Variants in SGCZ observed in about 807,000 individuals in gnomAD.
The protein encoded by SGCZ is sarcoglycan zeta, also known as zeta-sarcoglycan.
SGCZ carries 40 observed loss-of-function variants against 41.3 expected under a neutral mutation model. The observed-to-expected ratio is 0.97, with a 90% CI of 0.75 to 1.26. The LOEUF (loss-of-function observed/expected upper bound fraction) is 1.26, where lower values mean the gene tolerates loss of function less well. Ranked by LOEUF, SGCZ falls within the 50% of genes most tolerant of loss-of-function variation. The pLI is 0.00. For synonymous variants in SGCZ, 206 were observed against 137.5 expected (o/e 1.50, Z -3.49); for missense variants, 552 against 369.8 (o/e 1.49, Z -4.04).
chr8:14,993,984 G>A (rs558512882), intron 1 of SGCZ, among the ~76,000 whole-genome samples: 8 of 152,310 alleles, frequency 5.3e-5, no homozygotes, highest in Admixed American at 5.2e-4. Context: ...AAGACCATTT[G>A]GTAGGATACG....
At chr8:14,560,176 T>C (rs1804165211) in intron 1 of SGCZ, among the ~76,000 whole-genome samples, 1 of 152,046 alleles carries the variant, frequency 6.6e-6, no homozygotes, top group African/African-American at 2.4e-5. Flanking sequence ...CAATAATTTA[T>C]TGCACATTTC....
intron 1 of SGCZ, among the ~76,000 whole-genome samples, chr8:14,808,140 C>G (rs1428056957): frequency 6.6e-6 from 1 of 152,134 alleles, no homozygotes; most frequent in Non-Finnish European, 1.5e-5. Flanking sequence ...AGAAGATAAC[C>G]TAGGTAATAC....
At chr8:15,122,060 T>C (rs569958388) in intron 1 of SGCZ, among the ~76,000 whole-genome samples, 45 of 152,158 alleles carry the variant, frequency 3.0e-4, no homozygotes, top group African/African-American at 1.1e-3. Flanking sequence ...AAATTACTAA[T>C]TTATTTGGCA....
chr8:14,648,543 T>A (rs574103444), intron 1 of SGCZ, among the ~76,000 whole-genome samples: 27 of 152,196 alleles, frequency 1.8e-4, no homozygotes, highest in Non-Finnish European at 3.1e-4. Flanking sequence ...CAAACTGGAA[T>A]ACAGCAAAAA....
intron 4 of SGCZ, among the ~76,000 whole-genome samples, chr8:14,223,951 A>G (rs1425422121): frequency 6.6e-6 from 1 of 152,204 alleles, no homozygotes; most frequent in East Asian, 1.9e-4. Flanking sequence ...ACATAACTCC[A>G]GTACATAGAT....
Position 14,090,493 on chromosome 8 carries a change from C to T in SGCZ, c.889G>A (p.Gly297Arg), listed in dbSNP as rs147438275. 20 of 1,612,928 alleles carry T rather than the reference C, an allele frequency of 1.2e-5. No homozygotes were observed. In the African/African-American group the frequency reaches 1.9e-4, roughly 15 times the overall value. Residue 297 changes from glycine to arginine, a missense_variant, in exon 8 of 8, where the codon GGA becomes AGA. Gly to Arg is a moderately radical substitution (Grantham distance 125, BLOSUM62 -2). Coordinates refer to ENST00000382080, the MANE Select transcript of SGCZ (RefSeq NM_139167.4). ...CTGGACTGACAAGTGGAACCTACTC[C>T]TGCTGGAGAAAGGTAAAGTTTGCCA... is the stretch of plus-strand genomic sequence containing the variant. Reference protein sequence around the residue: ...PNGKLYLSPAGVGSTCQSSSN... With the variant: ...PNGKLYLSPARVGSTCQSSSN...
chr8:15,158,642 G>C (rs761631693), intron 1 of SGCZ, among the ~76,000 whole-genome samples: 6 of 152,156 alleles, frequency 3.9e-5, no homozygotes, highest in Non-Finnish European at 8.8e-5. Context: ...CATTTAGAAT[G>C]TATAATTCAT....
intron 1 of SGCZ, among the ~76,000 whole-genome samples, chr8:14,964,453 G>C (rs563693574): frequency 5.3e-5 from 8 of 152,112 alleles, no homozygotes; most frequent in Non-Finnish European, 1.2e-4. Flanking sequence ...TTTTGGAGCT[G>C]GTGATGCTAA....
At chr8:14,840,662 T>G (rs1248752691) in intron 1 of SGCZ, among the ~76,000 whole-genome samples, 1 of 152,104 alleles carries the variant, frequency 6.6e-6, no homozygotes, top group Non-Finnish European at 1.5e-5. Flanking sequence ...AAGTAGAGCA[T>G]GAAACATCAA....
intron 1 of SGCZ, among the ~76,000 whole-genome samples, chr8:15,097,597 AT>A (rs1806394713): frequency 1.3e-5 from 2 of 151,684 alleles, no homozygotes; most frequent in African/African-American, 4.8e-5. Context: ...AAAAATAAAA[AT>A]TAAAAAAAAT....
intron 1 of SGCZ, among the ~76,000 whole-genome samples, chr8:15,040,667 T>C (rs1002585563): frequency 1.9e-4 from 29 of 152,186 alleles, no homozygotes; most frequent in African/African-American, 6.8e-4. Context: ...AATATGATTA[T>C]ATTTAGTTGA....
intron 1 of SGCZ, among the ~76,000 whole-genome samples, chr8:15,209,354 T>G (rs1259090032): frequency 3.3e-5 from 5 of 151,814 alleles, no homozygotes; most frequent in Non-Finnish European, 7.4e-5. Context: ...GTACTAAAAA[T>G]TAAGGCTTCC....
At chr8:14,518,893 C>A (rs866848292) in intron 2 of SGCZ, among the ~76,000 whole-genome samples, 28 of 36,752 alleles carry the variant, frequency 7.6e-4, no homozygotes, top group African/African-American at 5.8e-3. Flanking sequence ...CCCATCTCTA[C>A]CAAAAAAAAA....
At chr8:14,888,367 G>T (rs754611626) in intron 1 of SGCZ, among the ~76,000 whole-genome samples, 3 of 152,212 alleles carry the variant, frequency 2.0e-5, no homozygotes, top group African/African-American at 7.2e-5. Context: ...AGGGCCATAC[G>T]TGAGAAGCTT....
intron 4 of SGCZ, among the ~76,000 whole-genome samples, chr8:14,168,488 A>G (rs1480079259): frequency 6.6e-6 from 1 of 152,048 alleles, no homozygotes; most frequent in African/African-American, 2.4e-5. Flanking sequence ...ATGAGTGTGA[A>G]TAAGTCTCAT....
At chr8:14,933,162 T>C (rs1213468543) in intron 1 of SGCZ, among the ~76,000 whole-genome samples, 1 of 151,906 alleles carries the variant, frequency 6.6e-6, no homozygotes, top group Non-Finnish European at 1.5e-5. Flanking sequence ...ACAGCATCAA[T>C]TGTACAGCAA....
At chr8:15,140,229 T>G (rs1226826209) in intron 1 of SGCZ, among the ~76,000 whole-genome samples, 3 of 152,108 alleles carry the variant, frequency 2.0e-5, no homozygotes. Context: ...CTCTCTTTAT[T>G]GCCCAGGCCA....
chr8:14,248,479 C>G (rs1416313314), intron 3 of SGCZ, among the ~76,000 whole-genome samples: 1 of 151,966 alleles, frequency 6.6e-6, no homozygotes, highest in Non-Finnish European at 1.5e-5. Flanking sequence ...AAGTAGGGAA[C>G]TAAGCCTCTA....
chr8:14,742,371 A>G (rs770328193), intron 1 of SGCZ, among the ~76,000 whole-genome samples: 2 of 152,002 alleles, frequency 1.3e-5, no homozygotes, highest in Non-Finnish European at 2.9e-5. Flanking sequence ...CAACTTTAAA[A>G]CTCAACAAAA....
Sources: allele counts gnomAD v4.1 joint callset (sites outside exome capture counted in the v4.1 genomes callset), GRCh38; gene constraint gnomAD v4.1.1; transcripts MANE v1.5; gene names NCBI Gene and HGNC (gene_info 2026-07-23, HGNC 2026-07-21).